NRG3: variants seen among roughly 807,000 people sequenced by gnomAD.
NRG3 encodes pro-neuregulin-3, membrane-bound isoform.
A neutral mutation model predicts 66.9 loss-of-function variants in NRG3; 31 were observed. The ratio of observed to expected loss-of-function variants is 0.46; its 90% CI spans 0.35 to 0.63. The LOEUF (loss-of-function observed/expected upper bound fraction) is 0.63. NRG3 is among the 20% of genes least tolerant of loss of function. The probability of loss-of-function intolerance (pLI) is 0.00; values close to 1 mark genes in which losing one functional copy is unlikely to be tolerated. For missense variants in NRG3, 910 were observed against 878.9 expected (o/e 1.04, Z -0.45); for synonymous variants, 393 against 359.4 (o/e 1.09, Z -1.06).
At chr10:82,542,480 C>A (rs550142376) in intron 2 of NRG3, among the ~76,000 whole-genome samples, 2 of 152,176 alleles carry the variant, frequency 1.3e-5, no homozygotes, top group African/African-American at 4.8e-5. Context: ...ATGAACAAAT[C>A]AAATGGTAAG....
chr10:82,801,887 A>G (rs2061055794), intron 3 of NRG3, among the ~76,000 whole-genome samples: 1 of 152,172 alleles, frequency 6.6e-6, no homozygotes, highest in Non-Finnish European at 1.5e-5. Context: ...AACATGATCC[A>G]TTGCTATCCC....
chr10:82,275,993 G>A (rs1042132391), intron 1 of NRG3, among the ~76,000 whole-genome samples: 1 of 151,910 alleles, frequency 6.6e-6, no homozygotes, highest in Admixed American at 6.6e-5. Context: ...CTGAAGGAAG[G>A]AGATAAAATA....
chr10:81,893,529 T>G (rs899386059), intron 1 of NRG3, among the ~76,000 whole-genome samples: 2 of 152,156 alleles, frequency 1.3e-5, no homozygotes, highest in Non-Finnish European at 2.9e-5. Flanking sequence ...GACTGAGCAG[T>G]TCATATACTT....
chr10:82,355,076 A>AG (rs2083689336), intron 1 of NRG3, among the ~76,000 whole-genome samples: 1 of 152,240 alleles, frequency 6.6e-6, no homozygotes, highest in Non-Finnish European at 1.5e-5. Context: ...AGTACCATAT[A>AG]GCATAGCCAG....
chr10:82,202,922 G>A (rs1297878992), intron 1 of NRG3, among the ~76,000 whole-genome samples: 2 of 152,190 alleles, frequency 1.3e-5, no homozygotes, highest in Non-Finnish European at 2.9e-5. Flanking sequence ...TAGCAAAAAA[G>A]CACATTTGTG....
intron 1 of NRG3, among the ~76,000 whole-genome samples, chr10:81,883,952 G>T (rs1023379941): frequency 6.6e-6 from 1 of 152,190 alleles, no homozygotes; most frequent in Admixed American, 6.5e-5. Context: ...GTTACCGTGT[G>T]CCTGGGCATG....
At chr10:82,007,872 G>T (rs1300763233) in intron 1 of NRG3, among the ~76,000 whole-genome samples, 1 of 152,042 alleles carries the variant, frequency 6.6e-6, no homozygotes, top group African/African-American at 2.4e-5. Flanking sequence ...CATAAACACT[G>T]TTGAGCTCTA....
At chr10:81,986,942 A>G (rs943541482) in intron 1 of NRG3, among the ~76,000 whole-genome samples, 4 of 152,232 alleles carry the variant, frequency 2.6e-5, no homozygotes, top group Non-Finnish European at 5.9e-5. Context: ...TTGGCCTCCC[A>G]AAGTGCTGGG....
At chr10:82,189,866 G>A (rs143319786) in intron 1 of NRG3, among the ~76,000 whole-genome samples, 514 of 152,206 alleles carry the variant, frequency 3.4e-3, no homozygotes, top group African/African-American at 0.012. Context: ...GGGAGGCTGA[G>A]GTAGTAGAAT....
intron 3 of NRG3, among the ~76,000 whole-genome samples, chr10:82,849,392 C>T (rs2063459965): frequency 6.6e-6 from 1 of 152,194 alleles, no homozygotes; most frequent in African/African-American, 2.4e-5. Context: ...TTTAAGCCCT[C>T]TACTTTCTGG....
rs371538808 is a variant in NRG3, at chr10:82,423,190, A to G, written c.953+64322A>G. Among the ~76,000 whole-genome samples, 14 of 152,126 alleles carry G rather than the reference A, an allele frequency of 9.2e-5. No individual in the cohort carries two copies. In the East Asian group the frequency reaches 1.9e-3, roughly 21 times the overall value. On this transcript the variant is annotated intron_variant, in intron 2 of 8. Transcript: ENST00000372141. ...TAAAACAAATTGAAACTTAGTTTCA[A>G]TGTAGCATTGTATTTAATATAATCA...
chr10:82,407,666 GACTACTGTAT>G (rs1302540934), intron 2 of NRG3, among the ~76,000 whole-genome samples: 2 of 152,142 alleles, frequency 1.3e-5, no homozygotes, highest in African/African-American at 4.8e-5. Flanking sequence ...TTGCTTTTAT[GACTACTGTAT>G]ACTGAACGCT....
At chr10:82,200,664 G>A (rs960991978) in intron 1 of NRG3, among the ~76,000 whole-genome samples, 1 of 152,156 alleles carries the variant, frequency 6.6e-6, no homozygotes, top group South Asian at 2.1e-4. Context: ...CATGCCCGAA[G>A]TCAAGCAGCT....
intron 4 of NRG3, among the ~76,000 whole-genome samples, chr10:82,878,369 C>T (rs187326684): frequency 2.6e-5 from 4 of 152,218 alleles, no homozygotes; most frequent in African/African-American, 9.6e-5. Flanking sequence ...AAACAGCTTA[C>T]TCTGTCAGTA....
chr10:82,349,515 T>C (rs997309898), intron 1 of NRG3, among the ~76,000 whole-genome samples: 8 of 151,762 alleles, frequency 5.3e-5, no homozygotes, highest in Non-Finnish European at 1.2e-4. Flanking sequence ...CTGCTGTCTT[T>C]TTGTTTGTCT....
chr10:82,728,340 G>A lies in NRG3; in HGVS notation c.954-10237G>A, dbSNP rs1451859840. 2.0e-5 allele frequency among the ~76,000 whole-genome samples: 3 copies of A among 152,134 alleles called. No homozygotes were observed. The East Asian group carries it at 5.8e-4, about 29-fold the overall frequency. ...TGCAATTCCCACATGTCATGGGAGG[G>A]AGCCAATGGGAGGTAATTGAATCGT... On this transcript the variant is annotated intron_variant, in intron 2 of 8. Transcript: ENST00000372141.
At chr10:82,921,951 A>T (rs1231877556) in intron 4 of NRG3, among the ~76,000 whole-genome samples, 1 of 152,168 alleles carries the variant, frequency 6.6e-6, no homozygotes, top group African/African-American at 2.4e-5. Context: ...TTATTTAAAG[A>T]TTTAAATAAT....
intron 6 of NRG3, among the ~76,000 whole-genome samples, chr10:82,963,596 C>T (rs772475644): frequency 3.9e-5 from 6 of 152,142 alleles, no homozygotes; most frequent in Non-Finnish European, 5.9e-5. Flanking sequence ...GGGAGAATTA[C>T]GTGAACCCAG....
chr10:82,582,931 G>A (rs2046448081), intron 2 of NRG3, among the ~76,000 whole-genome samples: 2 of 151,904 alleles, frequency 1.3e-5, no homozygotes, highest in Admixed American at 1.3e-4. Context: ...TTTTTACTTG[G>A]CAAGTCATTT....
Sources: gnomAD v4.1 joint callset for allele counts (sites outside exome capture counted in the v4.1 genomes callset) on GRCh38, gnomAD v4.1.1 for gene constraint, MANE v1.5 for transcripts, NCBI Gene and HGNC (gene_info 2026-07-23, HGNC 2026-07-21) for gene names.